NEDD4L: variants seen among roughly 807,000 people sequenced by gnomAD.
The protein encoded by NEDD4L is E3 ubiquitin-protein ligase NEDD4-like.
In NEDD4L, 54 loss-of-function variants were observed where a neutral mutation model predicts 148.9. That is an observed-to-expected ratio of 0.36 (90% CI 0.29 to 0.45). NEDD4L has a LOEUF of 0.45. Ranked by LOEUF, NEDD4L falls within the 20% of genes least tolerant of loss-of-function variation. The probability of loss-of-function intolerance (pLI) is 1.00; values close to 1 mark genes in which losing one functional copy is unlikely to be tolerated. For missense variants in NEDD4L, 856 were observed against 1,233.8 expected (o/e 0.69, Z 4.59); for synonymous variants, 433 against 440.7 (o/e 0.98, Z 0.22).
intron 1 of NEDD4L, among the ~76,000 whole-genome samples, chr18:58,118,642 C>T (rs898659135): frequency 5.3e-5 from 8 of 151,858 alleles, no homozygotes; most frequent in East Asian, 3.9e-4. Flanking sequence ...GTGTGTGTGG[C>T]GGGGTGGTGG....
At position 58,341,319 on chromosome 18, in the gene NEDD4L, A is replaced by G. The variant is rs946825493; in HGVS notation, c.1257+150A>G. On this transcript the variant is annotated intron_variant, in intron 14 of 30. Transcript: ENST00000400345. ...AAGAAAATGCATTACTTTAAATACA[A>G]TAATAGCCTAAGGAAGAATTTGCTT... 12 of 891,452 alleles carry G rather than the reference A, an allele frequency of 1.3e-5. No homozygotes were observed. The East Asian group carries it at 2.1e-4, about 16-fold the overall frequency. 55.2% of individuals were successfully genotyped at this position (891,452 alleles called of 1,614,324 possible).
At chr18:58,165,930 C>A in intron 2 of NEDD4L, 69 bp downstream of exon 2, 6 of 1,295,176 alleles carry the variant, frequency 4.6e-6, no homozygotes, top group Admixed American at 2.0e-5. Flanking sequence ...AATTCAGGCA[C>A]GCATCAGAAT....
intron 1 of NEDD4L, among the ~76,000 whole-genome samples, chr18:58,119,920 C>G (rs2086113404): frequency 6.6e-6 from 1 of 152,226 alleles, no homozygotes; most frequent in South Asian, 2.1e-4. Context: ...ACGGCCTGTT[C>G]TTACCTGGCT....
chr18:58,185,201 G>C (rs1345754481), intron 2 of NEDD4L, among the ~76,000 whole-genome samples: 2 of 152,106 alleles, frequency 1.3e-5, no homozygotes, highest in Non-Finnish European at 2.9e-5. Flanking sequence ...ATTGTGATCG[G>C]ACCGTGGGAG....
At chr18:58,085,628 T>G (rs2083723075) in intron 1 of NEDD4L, among the ~76,000 whole-genome samples, 1 of 151,720 alleles carries the variant, frequency 6.6e-6, no homozygotes, top group African/African-American at 2.4e-5. Flanking sequence ...AGAAAGAGGG[T>G]GAAATGGGGA....
intron 5 of NEDD4L, among the ~76,000 whole-genome samples, chr18:58,257,391 G>T (rs911473241): frequency 1.6e-4 from 25 of 151,970 alleles, no homozygotes; most frequent in Admixed American, 6.6e-4. Context: ...GTCGCTTGTG[G>T]GATAGTGACA....
At chr18:58,382,592 C>T (rs1009169474) in intron 24 of NEDD4L, among the ~76,000 whole-genome samples, 1 of 152,104 alleles carries the variant, frequency 6.6e-6, no homozygotes. Context: ...TGCTATGTGG[C>T]CTTATGGTAA....
At chr18:58,251,928 T>G in intron 4 of NEDD4L, 73 bp from the exon 5 acceptor site, 1 of 828,626 alleles carries the variant, frequency 1.2e-6, no homozygotes, top group Non-Finnish European at 2.1e-6. Flanking sequence ...CAGTATGTTA[T>G]TCTTTCTGTT....
intron 1 of NEDD4L, among the ~76,000 whole-genome samples, chr18:58,165,308 C>T (rs2036707733): frequency 6.6e-6 from 1 of 152,174 alleles, no homozygotes; most frequent in Non-Finnish European, 1.5e-5. Flanking sequence ...ATTATTTTTG[C>T]TTGTTGATGC....
At chr18:58,136,590 TC>T (rs1378279498) in intron 1 of NEDD4L, among the ~76,000 whole-genome samples, 1 of 152,158 alleles carries the variant, frequency 6.6e-6, no homozygotes, top group Non-Finnish European at 1.5e-5. Flanking sequence ...TCAGTACAGT[TC>T]CAAGTAGTGA....
At chr18:58,277,180 G>A (rs369666400) in intron 5 of NEDD4L, among the ~76,000 whole-genome samples, 56 of 152,136 alleles carry the variant, frequency 3.7e-4, no homozygotes, top group African/African-American at 1.3e-3. Context: ...AGCCAGCTGT[G>A]CCTCAGAACT....
intron 1 of NEDD4L, among the ~76,000 whole-genome samples, chr18:58,164,183 C>T (rs940203735): frequency 3.4e-5 from 5 of 148,454 alleles, no homozygotes; most frequent in African/African-American, 1.2e-4. Context: ...ACACTGGAGT[C>T]CCTCTGTAAA....
chr18:58,094,286 A>G (rs1360748478), intron 1 of NEDD4L, among the ~76,000 whole-genome samples: 1 of 150,864 alleles, frequency 6.6e-6, no homozygotes, highest in Non-Finnish European at 1.5e-5. Context: ...CTGGGCTCAT[A>G]TGATCCTCTT....
At chr18:58,299,448 T>C (rs2056160109) in intron 5 of NEDD4L, among the ~76,000 whole-genome samples, 1 of 152,260 alleles carries the variant, frequency 6.6e-6, no homozygotes, top group Admixed American at 6.5e-5. Flanking sequence ...TTTGACAGAT[T>C]GACGCCTGAA....
intron 1 of NEDD4L, among the ~76,000 whole-genome samples, chr18:58,065,390 A>G (rs892483559): frequency 6.6e-5 from 10 of 152,214 alleles, no homozygotes; most frequent in Admixed American, 4.6e-4. Context: ...TTCTTTGTGC[A>G]TTGCGCACTA....
chr18:58,349,148 C>G (rs554299227), intron 16 of NEDD4L, among the ~76,000 whole-genome samples: 1 of 152,120 alleles, frequency 6.6e-6, no homozygotes, highest in African/African-American at 2.4e-5. Context: ...TCACCGGGAG[C>G]TCGGGACCCA....
At chr18:58,213,345 A>C (rs1465849160) in intron 2 of NEDD4L, among the ~76,000 whole-genome samples, 1 of 152,200 alleles carries the variant, frequency 6.6e-6, no homozygotes, top group African/African-American at 2.4e-5. Flanking sequence ...CAGTTGAAAA[A>C]CGGCCAATTT....
intron 6 of NEDD4L, among the ~76,000 whole-genome samples, chr18:58,321,021 C>T (rs957132470): frequency 2.6e-5 from 4 of 152,018 alleles, no homozygotes; most frequent in African/African-American, 4.8e-5. Flanking sequence ...ATTTTGAGAG[C>T]CTCCATAGTT....
At chr18:58,067,489 G>A (rs1459025022) in intron 1 of NEDD4L, among the ~76,000 whole-genome samples, 1 of 152,154 alleles carries the variant, frequency 6.6e-6, no homozygotes, top group Non-Finnish European at 1.5e-5. Flanking sequence ...TTGGGGCTGG[G>A]TTGGGGTGGA....
Sources: gnomAD v4.1 joint callset for allele counts (sites outside exome capture counted in the v4.1 genomes callset) on GRCh38, gnomAD v4.1.1 for gene constraint, MANE v1.5 for transcripts, NCBI Gene and HGNC (gene_info 2026-07-23, HGNC 2026-07-21) for gene names.